ZNF454: variants seen among roughly 807,000 people sequenced by gnomAD.
The protein encoded by ZNF454 is zinc finger protein 454.
A neutral mutation model predicts 48.2 loss-of-function variants in ZNF454; 30 were observed. The ratio of observed to expected loss-of-function variants is 0.62; its 90% CI spans 0.47 to 0.84. ZNF454 has a LOEUF of 0.84. Ranked by LOEUF, ZNF454 falls within the 40% of genes least tolerant of loss-of-function variation. ZNF454 has a pLI of 0.00. For missense variants in ZNF454, 510 were observed against 623.1 expected, an observed-to-expected ratio of 0.82 and a Z score of 1.93; for synonymous variants, 204 against 211.4, an observed-to-expected ratio of 0.97 and a Z score of 0.30.
chr5:178,989,217 A>AGGC, the ZNF454 span: 1 of 954,830 alleles, frequency 1.0e-6, no homozygotes, highest in Non-Finnish European at 1.5e-6. Flanking sequence ...CCCCACCCTC[A>AGGC]CCACCCTCCC....
chr5:178,969,042 A>C (rs1220653524), downstream of ZNF454: 1 of 369,636 alleles, frequency 2.7e-6, no homozygotes, highest in African/African-American at 2.1e-5. Context: ...GAAAGGCAAA[A>C]AGTACGTCAC....
At chr5:178,985,600 G>A in the ZNF454 span, 24 of 351,492 alleles carry the variant, frequency 6.8e-5, no homozygotes, top group East Asian at 1.8e-3. Flanking sequence ...CTACTCGGGA[G>A]GCTGAGGCAG....
chr5:178,944,773 T>C lies in ZNF454; in HGVS notation c.34-1586T>C, dbSNP rs572669978. Among the ~76,000 whole-genome samples the C allele has an allele frequency of 6.6e-6, 1 of 152,182 alleles. No homozygotes were observed. Among genetic ancestry groups the C allele is most frequent in the Non-Finnish European group, 1.5e-5 (1 of 68,026 alleles). On this transcript the variant is annotated intron_variant, in intron 2 of 4. Coordinates refer to ENST00000519564, the MANE Select transcript of ZNF454 (RefSeq NM_001178089.3). The surrounding 1 kb of genome is among the most constrained non-coding windows in gnomAD (Gnocchi z 4.1). ...TCTGGGCTTCTGCTTACCTCTTTTT[T>C]CTCAGTGAACACCAGCTCCCTTAAC...
the ZNF454 span, chr5:178,978,652 G>A: frequency 3.3e-5 from 5 of 152,284 alleles, no homozygotes; most frequent in South Asian, 1.0e-3. Context: ...GAGGAACACT[G>A]CAATTTTAAT....
chr5:178,983,198 C>T, the ZNF454 span: 1 of 1,612,874 alleles, frequency 6.2e-7, no homozygotes. Flanking sequence ...GCCGGGCCCC[C>T]AGCCATGCTA....
intron 4 of ZNF454, among the ~76,000 whole-genome samples, chr5:178,950,987 A>C (rs1015838076): frequency 9.2e-5 from 14 of 151,760 alleles, no homozygotes; most frequent in Non-Finnish European, 1.5e-4. Flanking sequence ...AGCCTCCAGA[A>C]GAGCTGGGAC....
chr5:178,957,440 TACTC>T (rs1759820296), intron 4 of ZNF454, among the ~76,000 whole-genome samples: 1 of 151,926 alleles, frequency 6.6e-6, no homozygotes, highest in African/African-American at 2.4e-5. Flanking sequence ...GACGAAGTCT[TACTC>T]AGTCGCCCAG....
chr5:178,967,319 AG>A, downstream of ZNF454, among the ~76,000 whole-genome samples: 2 of 152,304 alleles, frequency 1.3e-5, no homozygotes, highest in South Asian at 4.2e-4. Context: ...GAAAGCCCCA[AG>A]GCCAGTTCTC....
rs58673420 is a variant in ZNF454 at position 178,942,131 on chromosome 5, C to T, written c.-107-554C>T. ...TAAAGAGATAATTCTCGGCCGAGTG[C>T]GGCGGCTCACGCCTGTAATCCCAGT... is the stretch of plus-strand genomic sequence containing the variant. On this transcript the variant is annotated intron_variant, in intron 1 of 4. Coordinates refer to ENST00000519564, the MANE Select transcript of ZNF454 (RefSeq NM_001178089.3). Among the ~76,000 whole-genome samples, 482 of 151,050 alleles carry T rather than the reference C, an allele frequency of 3.2e-3. 3 individuals carry two copies. Among genetic ancestry groups the T allele is most frequent in the African/African-American group, 0.011 (459 of 40,624 alleles).
At chr5:178,952,022 G>C (rs1261012499) in intron 4 of ZNF454, among the ~76,000 whole-genome samples, 1 of 151,498 alleles carries the variant, frequency 6.6e-6, no homozygotes, top group Non-Finnish European at 1.5e-5. Flanking sequence ...TTCATTACTA[G>C]TGAGGTTGAA....
At chr5:178,964,580 A>G (rs1760085001) in intron 4 of ZNF454, 75 bp from the exon 5 acceptor site, 1 of 1,101,818 alleles carries the variant, frequency 9.1e-7, no homozygotes, top group Non-Finnish European at 1.3e-6. Flanking sequence ...AGCATTATGA[A>G]GAGGCTCGTC....
chr5:178,948,647 C>T (rs1012536449), intron 4 of ZNF454, among the ~76,000 whole-genome samples: 3 of 152,232 alleles, frequency 2.0e-5, no homozygotes, highest in Non-Finnish European at 2.9e-5. Context: ...TTCTGAGTTT[C>T]GTGGAGATGC....
chr5:178,981,434 G>A, the ZNF454 span: 1 of 557,260 alleles, frequency 1.8e-6, no homozygotes, highest in South Asian at 2.3e-5. The surrounding 1 kb of genome is among the most constrained non-coding windows in gnomAD (Gnocchi z 5.1). Context: ...ACCATGGGAA[G>A]CGAGTCTGGT....
chr5:178,986,382 G>A, the ZNF454 span: 5 of 1,614,008 alleles, frequency 3.1e-6, no homozygotes, highest in Non-Finnish European at 4.2e-6. Context: ...GGAGGACGTA[G>A]CTGAGCTCTC....
chr5:178,969,372 G>C (rs1760209426), downstream of ZNF454: 1 of 438,358 alleles, frequency 2.3e-6, no homozygotes, highest in African/African-American at 2.0e-5. Flanking sequence ...TACTGAGAGG[G>C]AGTTTTCTGT....
chr5:178,959,435 C>G (rs1759907517), intron 4 of ZNF454, among the ~76,000 whole-genome samples: 1 of 152,190 alleles, frequency 6.6e-6, no homozygotes, highest in Non-Finnish European at 1.5e-5. Flanking sequence ...AAGCCTTACA[C>G]TTGCTGACGT....
At chr5:178,964,184 G>A (rs1056705733) in intron 4 of ZNF454, among the ~76,000 whole-genome samples, 2 of 151,072 alleles carry the variant, frequency 1.3e-5, no homozygotes, top group Non-Finnish European at 2.9e-5. Context: ...GCAGTGGCGC[G>A]ATCTCGGCTC....
In ZNF454 at chr5:178,965,350, A is replaced by G. The variant is rs1165172723; in HGVS notation, c.946A>G (p.Thr316Ala). The G allele has an allele frequency of 6.2e-7, 1 of 1,614,214 alleles. No homozygotes were observed. The highest frequency in any genetic ancestry group is 1.3e-5 in the African/African-American group (1 of 75,068). Residue 316 changes from threonine (T) to alanine (A), a missense_variant, in exon 5 of 5, where the codon ACC (threonine) becomes GCC (alanine). Coordinates refer to ENST00000519564, the MANE Select transcript of ZNF454 (RefSeq NM_001178089.3). The surrounding 1 kb of genome is among the most constrained non-coding windows in gnomAD (Gnocchi z 5.2). The part of the protein sequence containing the change: ...EKAFVCRAHL[T>A]KHQNIHSGEK... ...AGCCTTTGTGTGCAGGGCACACCTT[A>G]CCAAACACCAGAATATCCACAGTGG...
At chr5:178,972,317 A>G in the ZNF454 span, among the ~76,000 whole-genome samples, 1 of 152,182 alleles carries the variant, frequency 6.6e-6, no homozygotes, top group Non-Finnish European at 1.5e-5. Context: ...TTTACAATCT[A>G]TTTTACAACT....
Sources: gnomAD v4.1 joint callset for allele counts (sites outside exome capture counted in the v4.1 genomes callset) on GRCh38, gnomAD v4.1.1 for gene constraint, Gnocchi (gnomAD v3.1) non-coding constraint, MANE v1.5 for transcripts, NCBI Gene and HGNC (gene_info 2026-07-23, HGNC 2026-07-21) for gene names.